Variants in DDX10 observed in about 807,000 individuals in gnomAD.
DDX10 encodes DEAD-box helicase 10, also known as probable ATP-dependent RNA helicase DDX10.
DDX10 carries 74 observed loss-of-function variants against 104.3 expected under a neutral mutation model. That is an observed-to-expected ratio of 0.71 (90% CI 0.59 to 0.86). The LOEUF is 0.86. Ranked by LOEUF, DDX10 falls within the 40% of genes least tolerant of loss-of-function variation. The pLI, the probability that DDX10 is intolerant of heterozygous loss-of-function variation, is 0.00. For synonymous variants in DDX10, 351 were observed against 353.4 expected (o/e 0.99, Z 0.08); for missense variants, 952 against 1,040.0 (o/e 0.92, Z 1.16).
intron 14 of DDX10, among the ~76,000 whole-genome samples, chr11:108,839,166 A>G (rs1862602311): frequency 6.6e-6 from 1 of 152,234 alleles, no homozygotes; most frequent in South Asian, 2.1e-4. Context: ...TCATTTTAAA[A>G]TGATGAAATA....
intron 13 of DDX10, among the ~76,000 whole-genome samples, chr11:108,725,009 C>CAAG (rs1024000418): frequency 3.3e-5 from 5 of 152,090 alleles, no homozygotes; most frequent in African/African-American, 7.2e-5. Flanking sequence ...CTTTACCCTT[C>CAAG]ACTCAACCTC....
intron 5 of DDX10, 68 bp from the exon 6 acceptor site, chr11:108,679,303 A>G (rs1415314129): frequency 7.7e-7 from 1 of 1,292,124 alleles, no homozygotes; most frequent in African/African-American, 1.5e-5. Flanking sequence ...CCAATCCAGG[A>G]TACCCATTGC....
chr11:108,738,332 T>A (rs1466294119), intron 13 of DDX10, among the ~76,000 whole-genome samples: 1 of 151,832 alleles, frequency 6.6e-6, no homozygotes, highest in African/African-American at 2.4e-5. Context: ...TCTTAAGAGT[T>A]TTTTAAGTTG....
chr11:108,675,540 A>G (rs900930064), intron 2 of DDX10, 56 bp from the exon 3 acceptor site: 10 of 1,582,074 alleles, frequency 6.3e-6, no homozygotes, highest in Admixed American at 5.3e-5. Flanking sequence ...CACTTAGCCT[A>G]TAATACCATC....
At chr11:108,691,604 A>G (rs1184581246) in intron 7 of DDX10, among the ~76,000 whole-genome samples, 1 of 152,244 alleles carries the variant, frequency 6.6e-6, no homozygotes, top group Non-Finnish European at 1.5e-5. Context: ...TTTCTTTTGT[A>G]GAAAATGAGT....
chr11:108,734,044 A>G (rs187401518), intron 13 of DDX10, among the ~76,000 whole-genome samples: 96 of 152,112 alleles, frequency 6.3e-4, no homozygotes, highest in Admixed American at 2.0e-3. Flanking sequence ...CTTTGAAGCC[A>G]TCCCTTACTT....
chr11:108,742,416 T>C (rs1191748243), intron 13 of DDX10, among the ~76,000 whole-genome samples: 1 of 151,192 alleles, frequency 6.6e-6, no homozygotes, highest in Non-Finnish European at 1.5e-5. Flanking sequence ...AAATAAAAAA[T>C]CAGCTGGGTG....
intron 13 of DDX10, among the ~76,000 whole-genome samples, chr11:108,807,140 C>G (rs1268684786): frequency 1.3e-5 from 2 of 151,970 alleles, no homozygotes; most frequent in African/African-American, 2.4e-5. Flanking sequence ...ATAGGATTTC[C>G]TAATGAATTA....
At chr11:108,885,134 G>C (rs1863279068) in intron 16 of DDX10, among the ~76,000 whole-genome samples, 1 of 151,896 alleles carries the variant, frequency 6.6e-6, no homozygotes, top group Admixed American at 6.6e-5. Flanking sequence ...GTTGTTGTTG[G>C]TTTCATTTGT....
chr11:108,940,847 C>G lies in DDX10; in HGVS notation c.*424C>G, dbSNP rs912817800. On this transcript the variant is annotated 3_prime_UTR_variant, in exon 18 of 18. Coordinates refer to ENST00000322536, the MANE Select transcript of DDX10 (RefSeq NM_004398.4). ...GACGTATTTAATATTTTCAAAGAGA[C>G]TATGATGGACCAGCCCTGAGAAAGA... The G allele has an allele frequency of 4.7e-6, 1 of 215,036 alleles. No individual in the cohort carries two copies. 13.3% of individuals were successfully genotyped at this position (215,036 alleles called of 1,614,324 possible).
At position 108,856,780 on chromosome 11, in the gene DDX10, G is replaced by A. The variant is rs79427533; in HGVS notation, c.2304+4571G>A. Among the ~76,000 whole-genome samples, 1,476 of 152,056 alleles carry A rather than the reference G, an allele frequency of 9.7e-3. 27 individuals carry two copies. Among genetic ancestry groups the A allele is most frequent in the African/African-American group, 0.032 (1,309 of 41,454 alleles). On this transcript the variant is annotated intron_variant, in intron 16 of 17. Transcript: ENST00000322536. The stretch of plus-strand genomic sequence containing the variant: ...TTTCTGATCCATGAAATTGAAGAGC[G>A]AGTGTGGCAGCCACTGATCTACTCC...
chr11:108,668,890 A>G (rs558797562), intron 1 of DDX10, among the ~76,000 whole-genome samples: 22 of 152,256 alleles, frequency 1.4e-4, no homozygotes, highest in African/African-American at 3.6e-4. Context: ...GAGTTATCCT[A>G]TACTGAGCTC....
intron 15 of DDX10, among the ~76,000 whole-genome samples, chr11:108,849,045 A>G (rs1007200192): frequency 2.0e-5 from 3 of 152,120 alleles, no homozygotes; most frequent in African/African-American, 7.2e-5. Context: ...TATACATAGA[A>G]GTCCACTTTT....
intron 16 of DDX10, among the ~76,000 whole-genome samples, chr11:108,887,413 G>A (rs1863312741): frequency 6.6e-6 from 1 of 151,506 alleles, no homozygotes; most frequent in East Asian, 1.9e-4. Flanking sequence ...TTAGTTGCTT[G>A]GGAAAGAGTT....
At chr11:108,885,169 A>T (rs1863279602) in intron 16 of DDX10, among the ~76,000 whole-genome samples, 1 of 152,112 alleles carries the variant, frequency 6.6e-6, no homozygotes, top group African/African-American at 2.4e-5. Flanking sequence ...AATGACAGTA[A>T]GCTTCCAAAT....
chr11:108,897,482 C>A (rs1863456773), intron 16 of DDX10, among the ~76,000 whole-genome samples: 1 of 152,068 alleles, frequency 6.6e-6, no homozygotes, highest in Non-Finnish European at 1.5e-5. Flanking sequence ...TTTTTTCTTT[C>A]CCCTTTTGTG....
At position 108,931,454 on chromosome 11, in the gene DDX10, A is replaced by G. The variant is rs1458312990; in HGVS notation, c.2451-8792A>G. ...CTCCAAAGCCATTTTCTTTTCCTCTATACCAGAATTTTGGAAATGACATAT... is the reference window on the plus strand; with the variant it reads ...CTCCAAAGCCATTTTCTTTTCCTCTGTACCAGAATTTTGGAAATGACATAT... On this transcript the variant is annotated intron_variant, in intron 17 of 17. Coordinates refer to ENST00000322536, the MANE Select transcript of DDX10 (RefSeq NM_004398.4). 5.3e-5 allele frequency among the ~76,000 whole-genome samples: 8 copies of G among 152,188 alleles called. No homozygotes were observed. The East Asian group carries it at 1.3e-3, about 26-fold the overall frequency.
chr11:108,935,532 G>A (rs1472003076), intron 17 of DDX10, among the ~76,000 whole-genome samples: 1 of 152,114 alleles, frequency 6.6e-6, no homozygotes, highest in African/African-American at 2.4e-5. Flanking sequence ...ATACATGAAG[G>A]TTTTATAAAT....
chr11:108,911,762 A>G (rs530158056), intron 16 of DDX10, among the ~76,000 whole-genome samples: 1 of 151,536 alleles, frequency 6.6e-6, no homozygotes, highest in African/African-American at 2.4e-5. Context: ...AGGTTTCACC[A>G]TGTTGTGCAG....
Sources: allele counts gnomAD v4.1 joint callset (sites outside exome capture counted in the v4.1 genomes callset), GRCh38; gene constraint gnomAD v4.1.1; transcripts MANE v1.5; gene names NCBI Gene and HGNC (gene_info 2026-07-23, HGNC 2026-07-21).